The following ZFC3H1 variants were observed in gnomAD, a reference collection of about 807,000 sequenced individuals.
ZFC3H1 encodes zinc finger C3H1 domain-containing protein.
ZFC3H1 carries 71 observed loss-of-function variants against 243.7 expected under a neutral mutation model. The observed-to-expected ratio is 0.29, with a 90% CI of 0.24 to 0.36. The LOEUF is 0.36. ZFC3H1 is among the 10% of genes least tolerant of loss of function. ZFC3H1 has a pLI of 1.00. For synonymous variants in ZFC3H1, 838 were observed against 813.0 expected (o/e 1.03, Z -0.52); for missense variants, 1,966 against 2,317.1 (o/e 0.85, Z 3.11).
intron 1 of ZFC3H1, among the ~76,000 whole-genome samples, chr12:71,662,134 AACAGGAAACCTTCGGATGATTG>A (rs2137569996): frequency 6.6e-6 from 1 of 152,352 alleles, no homozygotes; most frequent in Non-Finnish European, 1.5e-5. Flanking sequence ...CCCATTATAA[AACAGGAAACCTTCGGATGATTG>A]ATTCCTCTGT....
At position 71,623,399 on chromosome 12, in the gene ZFC3H1, C is replaced by T. The variant is rs769054073; in HGVS notation, c.4705G>A (p.Val1569Ile). 2.5e-6 allele frequency: 4 copies of T among 1,613,220 alleles called. No homozygotes were observed. In the South Asian group the frequency reaches 3.3e-5, roughly 13 times the overall value. Reference sequence around the variant, plus strand: ...AACAACATGTCAGGATTAGTCTTTACATCTTGAACAGCTTGCCATGGCATT... The same window carrying T: ...AACAACATGTCAGGATTAGTCTTTATATCTTGAACAGCTTGCCATGGCATT... The part of the protein sequence containing the change: ...FVMPWQAVQD[V>I]KTNPDMLLAV... The change falls in exon 24 of 35, where the codon GTA becomes ATA. Residue 1569 changes from valine to isoleucine, a missense_variant. This residue lies in a region of ZFC3H1 where 1,383 missense variants were observed against 1,723.7 expected (regional missense o/e 0.80). Transcript: ENST00000378743.
intron 24 of ZFC3H1, among the ~76,000 whole-genome samples, chr12:71,622,337 C>T (rs1188397454): frequency 6.6e-6 from 1 of 152,232 alleles, no homozygotes; most frequent in Non-Finnish European, 1.5e-5. Flanking sequence ...CATGCTTCGA[C>T]ATCTAGCTCC....
chr12:71,649,528 C>T (rs1321540994), intron 2 of ZFC3H1, among the ~76,000 whole-genome samples: 4 of 152,030 alleles, frequency 2.6e-5, no homozygotes, highest in Non-Finnish European at 4.4e-5. Context: ...TTATATGCCA[C>T]GGACAAAGTT....
At position 71,614,791 on chromosome 12, in the gene ZFC3H1, T is replaced by C. The variant is rs773707872; in HGVS notation, c.5360+43A>G. The C allele has an allele frequency of 1.4e-5, 22 of 1,601,488 alleles. 1 individual carries two copies. In the South Asian group the frequency reaches 2.2e-4, roughly 16 times the overall value. ...GTCACCCCTTTCCCGATCATACCCCTTTATCCCCAAATCTCATTCTTATCA... is the reference window on the plus strand; with the variant it reads ...GTCACCCCTTTCCCGATCATACCCCCTTATCCCCAAATCTCATTCTTATCA... On this transcript the variant is annotated intron_variant, in intron 29 of 34. Transcript: ENST00000378743.
chr12:71,626,241 C>A lies in ZFC3H1; in HGVS notation c.4317+19G>T. 1 of 1,594,294 alleles carries A rather than the reference C, an allele frequency of 6.3e-7. No individual in the cohort carries two copies. Among genetic ancestry groups the A allele is most frequent in the Non-Finnish European group, 8.6e-7 (1 of 1,164,790 alleles). On this transcript the variant is annotated intron_variant, in intron 22 of 34. Coordinates refer to ENST00000378743, the MANE Select transcript of ZFC3H1 (RefSeq NM_144982.5). ...ACACACACACACACACACACACGTACGTTATCTTTTCTACTCACAGTCCAA... is the reference window on the plus strand; with the variant it reads ...ACACACACACACACACACACACGTAAGTTATCTTTTCTACTCACAGTCCAA...
chr12:71,621,812 C>T (rs569981620), intron 24 of ZFC3H1, among the ~76,000 whole-genome samples: 3 of 152,024 alleles, frequency 2.0e-5, no homozygotes, highest in East Asian at 1.9e-4. Context: ...TCAACCCCCC[C>T]GCCTCACCCC....
intron 12 of ZFC3H1, 60 bp downstream of exon 12, chr12:71,634,095 C>G: frequency 6.6e-7 from 1 of 1,519,282 alleles, no homozygotes; most frequent in Non-Finnish European, 8.9e-7. Flanking sequence ...TAACATACAC[C>G]ACAAAAATGT....
chr12:71,619,797 GCAAAGAGAGAA>G, intron 26 of ZFC3H1, 118 bp downstream of exon 26: 1 of 797,976 alleles, frequency 1.3e-6, no homozygotes, highest in South Asian at 1.9e-5. Context: ...AAGTGCTATG[GCAAAGAGAGAA>G]GGAACACCTA....
intron 2 of ZFC3H1, chr12:71,656,241 A>T (rs1237110737): frequency 4.2e-6 from 1 of 239,394 alleles, no homozygotes; most frequent in Non-Finnish European, 7.9e-6. Context: ...CAAAACCTGA[A>T]GAACTACACA....
At position 71,626,397 on chromosome 12, in the gene ZFC3H1, A is replaced by G. The variant is rs777348268; in HGVS notation, c.4180T>C (p.Leu1394=). The change falls in exon 22 of 35, where the codon TTG becomes CTG. Residue 1394 remains leucine, a synonymous_variant. Transcript: ENST00000378743. ...TCTGGATTGTCTTTGTTATTTTCCA[A>G]TGCTCGCGCCAGAACATTTAAAGCA... ...DSALNVLARA[L]ENNKDNPEIW... is the part of the protein sequence containing the mutation. 24 of 1,614,030 alleles carry G rather than the reference A, an allele frequency of 1.5e-5. No individual in the cohort carries two copies. Among genetic ancestry groups the G allele is most frequent in the African/African-American group, 6.7e-5 (5 of 75,028 alleles).
intron 1 of ZFC3H1, among the ~76,000 whole-genome samples, chr12:71,658,714 A>G (rs970461246): frequency 6.6e-6 from 1 of 152,198 alleles, no homozygotes; most frequent in Non-Finnish European, 1.5e-5. Flanking sequence ...CAGTTCTAAA[A>G]ATGAGAATTA....
intron 2 of ZFC3H1, among the ~76,000 whole-genome samples, chr12:71,648,048 C>G (rs571612429): frequency 6.6e-6 from 1 of 152,048 alleles, no homozygotes; most frequent in Non-Finnish European, 1.5e-5. Context: ...TAAAATAAAG[C>G]CACACTTTTA....
chr12:71,633,184 TAC>T (rs1880368505), intron 13 of ZFC3H1, 78 bp downstream of exon 13: 1 of 1,444,914 alleles, frequency 6.9e-7, no homozygotes, highest in Non-Finnish European at 9.2e-7. Context: ...GGCTTTAGTA[TAC>T]AGTGGTTTGT....
intron 13 of ZFC3H1, 30 bp downstream of exon 13, chr12:71,633,234 C>A: frequency 6.5e-7 from 1 of 1,540,462 alleles, no homozygotes; most frequent in South Asian, 1.3e-5. Flanking sequence ...GTGTAGTAAA[C>A]AGGAGACTAC....
At chr12:71,645,156 A>AT in intron 3 of ZFC3H1, 81 bp from the exon 4 acceptor site, 1 of 1,372,972 alleles carries the variant, frequency 7.3e-7, no homozygotes, top group Non-Finnish European at 9.7e-7. Flanking sequence ...ATCCTTTATG[A>AT]TAAAAATTTG....
rs958126108 is a variant in ZFC3H1, at chr12:71,632,902, T to C, written c.2801A>G (p.Glu934Gly). ...AACCCTCACCCCAAAGCGATCTTGT[T>C]CCAGTTTACGTTTTCCTATTTCTTT... ...ASKEIGKRKL[E>G]QDRFGPNKMM... Residue 934 changes from glutamate to glycine, a missense_variant, in exon 14 of 35, where the codon GAA becomes GGA. Physicochemically the swap from Glu to Gly is moderately conservative, Grantham distance 98. Coordinates refer to ENST00000378743, the MANE Select transcript of ZFC3H1 (RefSeq NM_144982.5). 1.2e-6 allele frequency: 2 copies of C among 1,612,270 alleles called. No individual in the cohort carries two copies. Among genetic ancestry groups the C allele is most frequent in the South Asian group, 2.2e-5 (2 of 90,448 alleles).
intron 3 of ZFC3H1, among the ~76,000 whole-genome samples, chr12:71,647,186 TC>T (rs1243691177): frequency 6.6e-6 from 1 of 152,208 alleles, no homozygotes; most frequent in African/African-American, 2.4e-5. Context: ...GATCTCTAAT[TC>T]AACAAATTGA....
chr12:71,620,357 A>C, intron 24 of ZFC3H1, 42 bp from the exon 25 acceptor site: 1 of 1,597,606 alleles, frequency 6.3e-7, no homozygotes. Flanking sequence ...CGTCAATCAT[A>C]AAAATGAAAT....
At chr12:71,633,547 G>A in intron 12 of ZFC3H1, 109 bp from the exon 13 acceptor site, 1 of 800,898 alleles carries the variant, frequency 1.2e-6, no homozygotes, top group African/African-American at 1.8e-5. Context: ...GCATCTACGA[G>A]ACACAGATAA....
Sources: gnomAD v4.1 joint callset for allele counts (sites outside exome capture counted in the v4.1 genomes callset) on GRCh38, gnomAD v4.1.1 for gene constraint, gnomAD v4.1.1 regional missense constraint, MANE v1.5 for transcripts, NCBI Gene and HGNC (gene_info 2026-07-23, HGNC 2026-07-21) for gene names.